TMEM178A: variants seen among roughly 807,000 people sequenced by gnomAD.
TMEM178A encodes transmembrane protein 178.
Under a neutral mutation model 29.1 loss-of-function variants are expected in TMEM178A, and 12 were observed. The ratio of observed to expected loss-of-function variants is 0.41; its 90% CI spans 0.26 to 0.67. TMEM178A has a LOEUF of 0.67. Ranked by LOEUF, TMEM178A falls within the 30% of genes least tolerant of loss-of-function variation. The pLI is 0.29. For missense variants in TMEM178A, 366 were observed against 419.1 expected, an observed-to-expected ratio of 0.87 and a Z score of 1.11; for synonymous variants, 210 against 187.2, an observed-to-expected ratio of 1.12 and a Z score of -0.99.
chr2:39,671,900 G>A (rs541052200), intron 1 of TMEM178A, among the ~76,000 whole-genome samples: 9 of 152,252 alleles, frequency 5.9e-5, no homozygotes, highest in Admixed American at 2.0e-4. Flanking sequence ...ATCCCAGTGC[G>A]CTCTTATATC....
At chr2:39,668,651 A>C (rs1240296004) in intron 1 of TMEM178A, among the ~76,000 whole-genome samples, 1 of 152,238 alleles carries the variant, frequency 6.6e-6, no homozygotes, top group African/African-American at 2.4e-5. Context: ...GCTATTAAGC[A>C]ATGAGGAGTT....
At chr2:39,713,068 T>C (rs552372943) in intron 3 of TMEM178A, among the ~76,000 whole-genome samples, 3 of 152,296 alleles carry the variant, frequency 2.0e-5, no homozygotes, top group Admixed American at 2.0e-4. Flanking sequence ...CATGCAGAAC[T>C]TACGGGAAGT....
intron 1 of TMEM178A, among the ~76,000 whole-genome samples, chr2:39,695,814 C>T (rs920067664): frequency 2.0e-5 from 3 of 152,006 alleles, no homozygotes; most frequent in East Asian, 1.9e-4. Context: ...GTGTGATTTT[C>T]GCATCTTCTG....
intron 1 of TMEM178A, among the ~76,000 whole-genome samples, chr2:39,688,174 T>G (rs1671160486): frequency 1.3e-5 from 2 of 152,248 alleles, no homozygotes; most frequent in Admixed American, 1.3e-4. Flanking sequence ...AGGAAGAATG[T>G]CTTCCTTAGG....
intron 1 of TMEM178A, among the ~76,000 whole-genome samples, chr2:39,671,163 C>G (rs1010455785): frequency 6.6e-6 from 1 of 152,124 alleles, no homozygotes; most frequent in Non-Finnish European, 1.5e-5. Context: ...AATACTTTGT[C>G]ATTTTGTTCT....
At chr2:39,722,071 G>A (rs1337277746), downstream of TMEM178A, among the ~76,000 whole-genome samples, 4 of 151,486 alleles carry the variant, frequency 2.6e-5, no homozygotes, top group African/African-American at 9.7e-5. Context: ...CACCACTAGA[G>A]GAGAAGAACC....
intron 3 of TMEM178A, among the ~76,000 whole-genome samples, chr2:39,714,880 T>A (rs1672469069): frequency 6.6e-6 from 1 of 152,198 alleles, no homozygotes. Context: ...TTTAATTGCA[T>A]AAGCTGAGTA....
intron 3 of TMEM178A, among the ~76,000 whole-genome samples, chr2:39,708,001 G>A (rs900116913): frequency 6.6e-6 from 1 of 152,230 alleles, no homozygotes; most frequent in African/African-American, 2.4e-5. Context: ...AGGCACTGCT[G>A]TGAGTGCTAA....
intron 3 of TMEM178A, among the ~76,000 whole-genome samples, chr2:39,711,357 C>A (rs1198975200): frequency 1.3e-5 from 2 of 152,154 alleles, no homozygotes; most frequent in African/African-American, 4.8e-5. Context: ...TTTTAAAACA[C>A]TTTTTAAGGT....
At chr2:39,718,043 T>C (rs888082205), downstream of TMEM178A, 13 of 152,626 alleles carry the variant, frequency 8.5e-5, no homozygotes, top group African/African-American at 2.9e-4. Context: ...CTCTGTTGTT[T>C]TAATAAGACT....
intron 1 of TMEM178A, among the ~76,000 whole-genome samples, chr2:39,671,499 G>T (rs897029508): frequency 4.6e-5 from 7 of 152,144 alleles, no homozygotes; most frequent in African/African-American, 1.7e-4. Flanking sequence ...GATGCTGCTG[G>T]TAAAAGGGAT....
intron 3 of TMEM178A, 37 bp downstream of exon 3, chr2:39,707,223 G>A: frequency 6.4e-7 from 1 of 1,573,418 alleles, no homozygotes; most frequent in African/African-American, 1.4e-5. Flanking sequence ...TCCCAGCCAA[G>A]GTGAAGGCTG....
At chr2:39,669,938 A>G (rs369763413) in intron 1 of TMEM178A, among the ~76,000 whole-genome samples, 7 of 152,180 alleles carry the variant, frequency 4.6e-5, no homozygotes, top group African/African-American at 1.4e-4. Flanking sequence ...ATTTTGGCTA[A>G]ACATGTGGGG....
chr2:39,732,406 G>C, the TMEM178A span, among the ~76,000 whole-genome samples: 2 of 152,118 alleles, frequency 1.3e-5, no homozygotes. Context: ...CATGAGTGCC[G>C]TCAGCCATGT....
rs1237855747 is a variant in TMEM178A, at chr2:39,717,918, T to C, written c.*667T>C. On this transcript the variant is annotated 3_prime_UTR_variant, in exon 4 of 4. Coordinates refer to ENST00000281961, the MANE Select transcript of TMEM178A (RefSeq NM_152390.3). ...AGACCTGTTGTTCAACCTCTGTCTCTTTATGTTAACTGGATTTCTGCATTA... is the reference window on the plus strand; with the variant it reads ...AGACCTGTTGTTCAACCTCTGTCTCCTTATGTTAACTGGATTTCTGCATTA... 1 of 152,664 alleles carries C rather than the reference T, an allele frequency of 6.6e-6. No individual in the cohort carries two copies. The highest frequency in any genetic ancestry group is 1.5e-5 in the Non-Finnish European group (1 of 68,040). The allele number at this position is 152,664 out of a possible 1,614,324, so 9.5% of individuals were successfully genotyped here. A position where few individuals can be genotyped will look rare whatever the true frequency, so the allele number is the denominator to read the frequency against.
chr2:39,718,638 T>A (rs1672637578), downstream of TMEM178A, among the ~76,000 whole-genome samples: 1 of 152,214 alleles, frequency 6.6e-6, no homozygotes, highest in Non-Finnish European at 1.5e-5. Context: ...GTGCTGTTAT[T>A]TTATGTTACT....
chr2:39,720,450 C>G (rs1263400886), downstream of TMEM178A, among the ~76,000 whole-genome samples: 1 of 152,178 alleles, frequency 6.6e-6, no homozygotes, highest in Non-Finnish European at 1.5e-5. Context: ...CAGGCTCTTT[C>G]CTCTGCTGGG....
the TMEM178A span, among the ~76,000 whole-genome samples, chr2:39,728,363 T>C: frequency 6.6e-6 from 1 of 152,234 alleles, no homozygotes; most frequent in African/African-American, 2.4e-5. Flanking sequence ...GTCTGCTTCT[T>C]GAATGGTTTC....
intron 1 of TMEM178A, among the ~76,000 whole-genome samples, chr2:39,688,162 A>T (rs1671160262): frequency 6.6e-6 from 1 of 152,272 alleles, no homozygotes; most frequent in Non-Finnish European, 1.5e-5. Flanking sequence ...TATTTGCAAA[A>T]GAGGAAGAAT....
Sources: gnomAD v4.1 joint callset for allele counts (sites outside exome capture counted in the v4.1 genomes callset) on GRCh38, gnomAD v4.1.1 for gene constraint, MANE v1.5 for transcripts, NCBI Gene and HGNC (gene_info 2026-07-23, HGNC 2026-07-21) for gene names.